The following GRAMD1B variants were observed in gnomAD, a reference collection of about 807,000 sequenced individuals.
GRAMD1B encodes GRAM domain containing 1B.
GRAMD1B carries 37 observed loss-of-function variants against 99.7 expected under a neutral mutation model. The ratio of observed to expected loss-of-function variants is 0.37; its 90% CI spans 0.29 to 0.49. The LOEUF (loss-of-function observed/expected upper bound fraction) is 0.49, where lower values mean the gene tolerates loss of function less well. Ranked by LOEUF, GRAMD1B falls within the 20% of genes least tolerant of loss-of-function variation. The pLI, the probability that GRAMD1B is intolerant of heterozygous loss-of-function variation, is 0.98. For missense variants in GRAMD1B, 888 were observed against 1,009.2 expected (o/e 0.88, Z 1.63); for synonymous variants, 427 against 387.6 (o/e 1.10, Z -1.19).
chr11:123,539,163 T>A (rs1417072289), intron 2 of GRAMD1B, among the ~76,000 whole-genome samples: 2 of 152,204 alleles, frequency 1.3e-5, no homozygotes, highest in Non-Finnish European at 1.5e-5. Context: ...AGTTCAAGGA[T>A]GTTACAATGA....
intron 1 of GRAMD1B, among the ~76,000 whole-genome samples, chr11:123,445,618 C>G (rs1347930612): frequency 6.6e-6 from 1 of 151,988 alleles, no homozygotes; most frequent in Admixed American, 6.6e-5. Context: ...GAGTTTGAGA[C>G]CAGCCTGGCC....
intron 17 of GRAMD1B, among the ~76,000 whole-genome samples, 178 bp downstream of exon 17, chr11:123,615,013 C>A (rs1954158257): frequency 6.6e-6 from 1 of 152,208 alleles, no homozygotes; most frequent in South Asian, 2.1e-4. Flanking sequence ...CTCTTCGCTT[C>A]TTTTTCTCTG....
intron 16 of GRAMD1B, among the ~76,000 whole-genome samples, chr11:123,614,421 G>C (rs1954056306): frequency 1.3e-5 from 2 of 152,208 alleles, no homozygotes; most frequent in African/African-American, 4.8e-5. Flanking sequence ...AGACCCAGAA[G>C]CCAGCCGTCT....
At chr11:123,475,530 A>T (rs2714050) in intron 1 of GRAMD1B, among the ~76,000 whole-genome samples, 121,391 of 152,226 alleles carry the variant, frequency 0.8, 49,171 homozygotes, top group African/African-American at 0.95. Context: ...AGGAGGGATT[A>T]AAGTCATCCT....
chr11:123,590,084 C>T (rs1273421319), intron 4 of GRAMD1B, among the ~76,000 whole-genome samples: 10 of 152,164 alleles, frequency 6.6e-5, no homozygotes, highest in Admixed American at 2.6e-4. Context: ...CTTTGAGGAC[C>T]AAAATCTGTG....
intron 1 of GRAMD1B, among the ~76,000 whole-genome samples, chr11:123,422,057 T>C (rs1948457324): frequency 6.6e-6 from 1 of 152,156 alleles, no homozygotes; most frequent in Non-Finnish European, 1.5e-5. Flanking sequence ...CTAGCATAAC[T>C]CATCCCTAAA....
At chr11:123,586,503 G>A (rs1056445203) in intron 4 of GRAMD1B, among the ~76,000 whole-genome samples, 10 of 152,228 alleles carry the variant, frequency 6.6e-5, no homozygotes, top group Non-Finnish European at 1.3e-4. Context: ...AGTGTGTGGG[G>A]CGGTCCTCTC....
At position 123,608,732 on chromosome 11, in the gene GRAMD1B, C is replaced by G; in HGVS notation, c.1587C>G (p.Asp529Glu). 1 of 1,555,178 alleles carries G rather than the reference C, an allele frequency of 6.4e-7. No individual in the cohort carries two copies. The highest frequency in any genetic ancestry group is 8.7e-7 in the Non-Finnish European group (1 of 1,148,640). The change falls in exon 12 of 20, where the codon GAC (aspartate) becomes GAG (glutamate). Residue 529 changes from aspartate to glutamate, a missense_variant. Transcript: ENST00000635736. ...YVNEVFNFSV[D>E]KLYDLLFTNS... ...ATGAAGTCTTCAACTTCAGCGTGGA[C>G]AAGCTCTATGACCTCCTCTTCACCA...
intron 5 of GRAMD1B, 106 bp from the exon 6 acceptor site, chr11:123,594,629 A>T (rs1039895085): frequency 8.7e-6 from 6 of 693,014 alleles, no homozygotes; most frequent in African/African-American, 7.0e-5. Context: ...CGTGGTGGGC[A>T]TTGGGCTCCC....
chr11:123,509,583 C>G (rs970168783), intron 2 of GRAMD1B, among the ~76,000 whole-genome samples: 12 of 152,342 alleles, frequency 7.9e-5, no homozygotes, highest in African/African-American at 2.6e-4. Flanking sequence ...TGGATGCCAG[C>G]TCTGGCACCG....
intron 1 of GRAMD1B, among the ~76,000 whole-genome samples, chr11:123,403,583 C>G (rs1947749947): frequency 6.6e-6 from 1 of 151,592 alleles, no homozygotes; most frequent in African/African-American, 2.4e-5. Flanking sequence ...TACTCCATCA[C>G]CCAGGCTGGA....
chr11:123,618,163 T>C (rs1472850090), intron 17 of GRAMD1B, among the ~76,000 whole-genome samples: 1 of 152,168 alleles, frequency 6.6e-6, no homozygotes, highest in African/African-American at 2.4e-5. Context: ...AGTCTGTCTG[T>C]TGTTTTCTTG....
intron 1 of GRAMD1B, among the ~76,000 whole-genome samples, chr11:123,376,393 T>C (rs1023690883): frequency 8.5e-5 from 13 of 152,236 alleles, no homozygotes; most frequent in African/African-American, 3.1e-4. Context: ...TGCATAGTGT[T>C]TACGGGAACC....
intron 1 of GRAMD1B, among the ~76,000 whole-genome samples, chr11:123,434,551 G>T (rs1949072018): frequency 1.3e-5 from 2 of 152,232 alleles, no homozygotes; most frequent in Non-Finnish European, 2.9e-5. Flanking sequence ...CACTTTGGGA[G>T]GCTGAGGAGG....
In GRAMD1B at chr11:123,625,967, A is replaced by AGAGAGAGAGAGAGAGAGATC. The variant is rs1565487832; in HGVS notation, c.*3386_*3387insGAGATCGAGAGAGAGAGAGA. 19 of 147,882 alleles carry AGAGAGAGAGAGAGAGAGATC rather than the reference A, an allele frequency of 1.3e-4. No individual in the cohort carries two copies. The highest frequency in any genetic ancestry group is 2.7e-4 in the Admixed American group (4 of 14,856). The allele number at this position is 147,882 out of a possible 1,614,324, so 9.2% of individuals were successfully genotyped here. ...GAGAGAGAGAGAGAGAGAGAGAGAGAGAGAGAGAGAGAGATCGAGCTTGAT... is the reference window on the plus strand; with the variant it reads ...GAGAGAGAGAGAGAGAGAGAGAGAGAGAGAGAGAGAGAGAGAGATCGAGAGAGAGAGAGATCGAGCTTGAT... On this transcript the variant is annotated 3_prime_UTR_variant, in exon 20 of 20. Transcript: ENST00000635736.
chr11:123,540,920 G>GT (rs200414894), intron 2 of GRAMD1B, among the ~76,000 whole-genome samples: 3,107 of 151,910 alleles, frequency 0.02, 80 homozygotes, highest in African/African-American at 0.056. Flanking sequence ...CTTATCTGTA[G>GT]TTTTTTTTAA....
At chr11:123,410,174 G>A (rs1188298932) in intron 1 of GRAMD1B, among the ~76,000 whole-genome samples, 1 of 150,686 alleles carries the variant, frequency 6.6e-6, no homozygotes, top group African/African-American at 2.4e-5. Flanking sequence ...AAGATTTTGG[G>A]ACAAGAAAAA....
At chr11:123,612,949 T>C (rs1953796605) in intron 15 of GRAMD1B, 85 bp downstream of exon 15, 1 of 750,712 alleles carries the variant, frequency 1.3e-6, no homozygotes, top group Non-Finnish European at 2.3e-6. Context: ...GGAATGGTAT[T>C]GAGAATAGAG....
chr11:123,546,802 C>T (rs1945080805), intron 2 of GRAMD1B, among the ~76,000 whole-genome samples: 1 of 152,138 alleles, frequency 6.6e-6, no homozygotes, highest in Non-Finnish European at 1.5e-5. Flanking sequence ...CATACAGGGA[C>T]CCAGCAGTGG....
Sources: gnomAD v4.1 joint callset for allele counts (sites outside exome capture counted in the v4.1 genomes callset) on GRCh38, gnomAD v4.1.1 for gene constraint, MANE v1.5 for transcripts, NCBI Gene and HGNC (gene_info 2026-07-23, HGNC 2026-07-21) for gene names.